Variants in RABEPK observed in about 807,000 individuals in gnomAD.
RABEPK encodes the protein 40 kDa Rab9 effector protein.
RABEPK carries 27 observed loss-of-function variants against 34.1 expected under a neutral mutation model. The observed-to-expected ratio is 0.79, with a 90% CI of 0.58 to 1.09. The LOEUF is 1.09. Among genes scored for constraint, RABEPK ranks in the 50% least tolerant of loss-of-function variants. The pLI, the probability that RABEPK is intolerant of heterozygous loss-of-function variation, is 0.00. For missense variants in RABEPK, 449 were observed against 462.6 expected (o/e 0.97, Z 0.27); for synonymous variants, 172 against 169.2 (o/e 1.02, Z -0.13).
At chr9:125,222,393 A>G (rs921656223) in intron 5 of RABEPK, 29 of 152,030 alleles carry the variant, frequency 1.9e-4, no homozygotes, top group Non-Finnish European at 5.9e-5. Context: ...ATCTCAGTGT[A>G]TTATCAATCT....
intron 6 of RABEPK, among the ~76,000 whole-genome samples, chr9:125,230,995 G>C (rs1832131991): frequency 6.6e-6 from 1 of 151,976 alleles, no homozygotes; most frequent in Non-Finnish European, 1.5e-5. Context: ...TCCAGTGATA[G>C]CTTGCCTTAT....
chr9:125,213,401 G>A lies in RABEPK; in HGVS notation c.243G>A (p.Lys81=). The A allele has an allele frequency of 6.2e-7, 1 of 1,613,590 alleles. No homozygotes were observed. Among genetic ancestry groups the A allele is most frequent in the Non-Finnish European group, 8.5e-7 (1 of 1,179,848 alleles). Residue 81 remains lysine, a synonymous_variant, in exon 4 of 8, where the codon AAG becomes AAA. Transcript: ENST00000373538. ...ACCAGTGGGACTTAGATACCTGCAA[G>A]GGCCTCTTGCCCCGGTATGAACATG... is the stretch of plus-strand genomic sequence containing the variant. The part of the protein sequence containing the change: ...GKHQWDLDTC[K]GLLPRYEHAS...
At chr9:125,216,262 GCAA>G in intron 4 of RABEPK, among the ~76,000 whole-genome samples, 1 of 152,174 alleles carries the variant, frequency 6.6e-6, no homozygotes, top group Admixed American at 6.6e-5. Flanking sequence ...CACAGCCTGA[GCAA>G]TGAGTGAGAC....
chr9:125,203,927 G>A (rs758611600), intron 2 of RABEPK, among the ~76,000 whole-genome samples: 2 of 151,610 alleles, frequency 1.3e-5, no homozygotes, highest in Non-Finnish European at 1.5e-5. Context: ...AGCTACTAGG[G>A]AGGCTAAGAC....
At chr9:125,211,956 A>G (rs1305003600) in intron 3 of RABEPK, among the ~76,000 whole-genome samples, 5 of 152,208 alleles carry the variant, frequency 3.3e-5, no homozygotes, top group Non-Finnish European at 7.4e-5. Context: ...GCAACAGAGC[A>G]AGACTCCATC....
intron 2 of RABEPK, among the ~76,000 whole-genome samples, chr9:125,206,333 A>G (rs1379181929): frequency 1.3e-5 from 2 of 152,076 alleles, no homozygotes; most frequent in African/African-American, 4.8e-5. Flanking sequence ...CCCCATCTCT[A>G]CTAAAAATAC....
intron 6 of RABEPK, among the ~76,000 whole-genome samples, chr9:125,232,255 G>GAC (rs1210455644): frequency 2.0e-3 from 297 of 151,134 alleles, no homozygotes; most frequent in Non-Finnish European, 3.4e-3. Context: ...CAGAGACAGA[G>GAC]AGAGAGAGAG....
intron 4 of RABEPK, among the ~76,000 whole-genome samples, chr9:125,216,064 G>A (rs1830910881): frequency 6.6e-6 from 1 of 152,148 alleles, no homozygotes; most frequent in Non-Finnish European, 1.5e-5. Context: ...AGGCTGAGGT[G>A]TACAGATCAC....
At chr9:125,223,820 C>T (rs1831534136) in intron 5 of RABEPK, among the ~76,000 whole-genome samples, 1 of 151,706 alleles carries the variant, frequency 6.6e-6, no homozygotes, top group Non-Finnish European at 1.5e-5. Flanking sequence ...ACACTGGGGA[C>T]TCCTTGAACA....
chr9:125,220,337 T>C, intron 4 of RABEPK: 1 of 1,445,470 alleles, frequency 6.9e-7, no homozygotes, highest in Non-Finnish European at 9.1e-7. Flanking sequence ...CTTTTAAATC[T>C]TGGGGATTTT....
chr9:125,232,540 G>C, intron 6 of RABEPK, 56 bp from the exon 7 acceptor site: 1 of 1,553,034 alleles, frequency 6.4e-7, no homozygotes, highest in South Asian at 1.2e-5. Flanking sequence ...AGATAGATAA[G>C]TTTGAAAGCA....
In RABEPK at chr9:125,207,251, C is replaced by A. The variant is rs535889227; in HGVS notation, c.54-313C>A. 1.5e-3 allele frequency among the ~76,000 whole-genome samples: 231 copies of A among 152,206 alleles called. 1 individual carries two copies. The highest frequency in any genetic ancestry group is 5.4e-3 in the African/African-American group (225 of 41,548). ...ATTCATACACCATGCTCACAGCCAC[C>A]ATCCTGTGCCAAGACCCATCACTGA... On this transcript the variant is annotated intron_variant, in intron 2 of 7. Coordinates refer to ENST00000373538, the MANE Select transcript of RABEPK (RefSeq NM_005833.4).
At chr9:125,219,557 CTTTA>C (rs141674939) in intron 4 of RABEPK, among the ~76,000 whole-genome samples, 2 of 150,672 alleles carry the variant, frequency 1.3e-5, no homozygotes, top group Non-Finnish European at 1.5e-5. Flanking sequence ...CGACACCTGG[CTTTA>C]TTTATTTATT....
intron 2 of RABEPK, among the ~76,000 whole-genome samples, chr9:125,203,591 G>T (rs1830035170): frequency 6.6e-6 from 1 of 152,212 alleles, no homozygotes; most frequent in Non-Finnish European, 1.5e-5. Flanking sequence ...AGGTTGTAGA[G>T]AGGTGGCAGT....
chr9:125,222,247 T>C (rs965863517), intron 5 of RABEPK: 2 of 151,530 alleles, frequency 1.3e-5, no homozygotes, highest in Non-Finnish European at 2.9e-5. Flanking sequence ...TTTAAAGCAG[T>C]TTTAAAAGTT....
intron 5 of RABEPK, chr9:125,221,632 T>C (rs1387027932): frequency 6.6e-6 from 1 of 151,720 alleles, no homozygotes; most frequent in Non-Finnish European, 1.5e-5. Flanking sequence ...CCTTCAGCCT[T>C]TCCTTTCCCC....
intron 4 of RABEPK, among the ~76,000 whole-genome samples, chr9:125,216,807 A>G (rs1453004562): frequency 1.3e-5 from 2 of 152,012 alleles, no homozygotes; most frequent in African/African-American, 2.4e-5. Flanking sequence ...CTAAAAATAC[A>G]AAAGAAAAAA....
At chr9:125,204,102 A>C (rs931120769) in intron 2 of RABEPK, among the ~76,000 whole-genome samples, 13 of 149,154 alleles carry the variant, frequency 8.7e-5, no homozygotes, top group Admixed American at 8.7e-4. Flanking sequence ...TGGGAGGCCG[A>C]GGTGGGCGGA....
chr9:125,201,077 C>G (rs1480340098), intron 1 of RABEPK, among the ~76,000 whole-genome samples, 171 bp downstream of exon 1: 5 of 152,144 alleles, frequency 3.3e-5, no homozygotes, highest in Admixed American at 6.6e-5. Context: ...AGTCTAGAAG[C>G]CTTAAATAGA....
Sources: allele counts gnomAD v4.1 joint callset (sites outside exome capture counted in the v4.1 genomes callset), GRCh38; gene constraint gnomAD v4.1.1; transcripts MANE v1.5; gene names NCBI Gene and HGNC (gene_info 2026-07-23, HGNC 2026-07-21).